Variants in MARCHF10 observed in about 807,000 individuals in gnomAD.
MARCHF10 encodes the protein probable E3 ubiquitin-protein ligase MARCHF10.
A neutral mutation model predicts 76.2 loss-of-function variants in MARCHF10; 64 were observed. The observed-to-expected ratio is 0.84, with a 90% confidence interval of 0.69 to 1.03. The LOEUF (loss-of-function observed/expected upper bound fraction) is 1.03, where lower values mean the gene tolerates loss of function less well. MARCHF10 is among the 50% of genes least tolerant of loss of function. The probability of loss-of-function intolerance (pLI) is 0.00; values close to 1 mark genes in which losing one functional copy is unlikely to be tolerated. For missense variants in MARCHF10, 875 were observed against 958.0 expected (o/e 0.91, Z 1.14); for synonymous variants, 340 against 357.5 (o/e 0.95, Z 0.55).
chr17:62,755,737 T>A (rs1419649605), intron 4 of MARCHF10, among the ~76,000 whole-genome samples: 2 of 152,192 alleles, frequency 1.3e-5, no homozygotes, highest in African/African-American at 4.8e-5. Flanking sequence ...TGATTCTTCA[T>A]CTTTTTCCAT....
At chr17:62,737,606 C>A in intron 5 of MARCHF10, 1 of 442,944 alleles carries the variant, frequency 2.3e-6, no homozygotes. Flanking sequence ...GAAGACTGGC[C>A]CAGCCCCAGC....
At chr17:62,796,210 T>C (rs1187812984) in intron 2 of MARCHF10, among the ~76,000 whole-genome samples, 1 of 152,042 alleles carries the variant, frequency 6.6e-6, no homozygotes, top group African/African-American at 2.4e-5. Flanking sequence ...CAGGCTGATC[T>C]CAAACTCCTG....
rs1465647148 is a variant in MARCHF10 at position 62,736,931 on chromosome 17, G to T, written c.937C>A (p.His313Asn). ...VGVRSPCSPS[H>N]HKRSRFGGTS... ...CCCCCAAATCTACTTCTTTTGTGAT[G>T]GGAAGGAGAACAGGGTGAGCGCACA... The change falls in exon 6 of 11, where the codon CAT becomes AAT. Residue 313 changes from histidine (H) to asparagine (N), a missense_variant. His to Asn is a moderately conservative substitution (Grantham distance 68). Transcript: ENST00000311269. The T allele has an allele frequency of 2.5e-6, 4 of 1,614,084 alleles. No homozygotes were observed. The highest frequency in any genetic ancestry group is 3.4e-6 in the Non-Finnish European group (4 of 1,180,026).
chr17:62,765,036 C>T (rs2092295253), intron 3 of MARCHF10, among the ~76,000 whole-genome samples: 1 of 152,094 alleles, frequency 6.6e-6, no homozygotes. Flanking sequence ...TGCCCTTGGT[C>T]TCCATTTTGC....
intron 3 of MARCHF10, among the ~76,000 whole-genome samples, chr17:62,773,805 G>A (rs564985688): frequency 4.6e-5 from 7 of 152,216 alleles, no homozygotes; most frequent in Non-Finnish European, 8.8e-5. Context: ...GGAAGACAGC[G>A]TTGACCAAAG....
At chr17:62,801,874 G>A in intron 1 of MARCHF10, 122 bp from the exon 2 acceptor site, 1 of 739,822 alleles carries the variant, frequency 1.4e-6, no homozygotes, top group East Asian at 2.6e-5. Context: ...TGTTTGAAAG[G>A]CACAGATGCT....
In MARCHF10 at chr17:62,737,207, C is replaced by T. The variant is rs775517784; in HGVS notation, c.661G>A (p.Gly221Arg). Residue 221 changes from glycine to arginine, a missense_variant, in exon 6 of 11, where the codon GGA (glycine) becomes AGA (arginine). Gly to Arg is a moderately radical substitution (Grantham distance 125, BLOSUM62 -2). Coordinates refer to ENST00000311269, the MANE Select transcript of MARCHF10 (RefSeq NM_152598.4). ...CTCTGGGAAGGAGCACTCGGGTCTCCTTTTTTGGCTCTATCAGGGGCGTTC... is the reference window on the plus strand; with the variant it reads ...CTCTGGGAAGGAGCACTCGGGTCTCTTTTTTTGGCTCTATCAGGGGCGTTC... Reference protein sequence around the residue: ...TENAPDRAKKGDPSAPSQSEL... With the variant: ...TENAPDRAKKRDPSAPSQSEL... 1 of 1,614,030 alleles carries T rather than the reference C, an allele frequency of 6.2e-7. No individual in the cohort carries two copies. The highest frequency in any genetic ancestry group is 1.7e-5 in the Admixed American group (1 of 60,000).
chr17:62,762,232 C>T (rs964373793), intron 3 of MARCHF10, among the ~76,000 whole-genome samples: 9 of 152,180 alleles, frequency 5.9e-5, no homozygotes, highest in African/African-American at 2.2e-4. Flanking sequence ...CTTTAGTGCA[C>T]TGAAGAGGTG....
rs76493049 is a variant in MARCHF10, at chr17:62,732,438, A to G, written c.1937+3493T>C. 4.2e-3 allele frequency among the ~76,000 whole-genome samples: 647 copies of G among 152,360 alleles called. 8 individuals carry two copies. The highest frequency in any genetic ancestry group is 0.015 in the African/African-American group (616 of 41,588). On this transcript the variant is annotated intron_variant, in intron 6 of 10. Transcript: ENST00000311269. ...CCCTGAAACTGGGGCCTGTTGAGGC[A>G]TGTTCCAAAGGAGAGGTGGCTGTGC...
intron 8 of MARCHF10, among the ~76,000 whole-genome samples, chr17:62,719,035 G>C (rs1054953642): frequency 6.6e-6 from 1 of 152,158 alleles, no homozygotes; most frequent in African/African-American, 2.4e-5. Flanking sequence ...CTGCAGAATT[G>C]CCTAGACTCA....
chr17:62,758,651 G>A (rs116408728), intron 4 of MARCHF10, among the ~76,000 whole-genome samples: 195 of 152,322 alleles, frequency 1.3e-3, no homozygotes, highest in African/African-American at 4.5e-3. Context: ...TTTTGACTTC[G>A]TTAAAGCAAT....
chr17:62,776,065 G>A (rs1236394646), intron 3 of MARCHF10, among the ~76,000 whole-genome samples: 1 of 152,114 alleles, frequency 6.6e-6, no homozygotes, highest in African/African-American at 2.4e-5. Context: ...CCCAAAGTGT[G>A]GGATTACAGG....
rs35416243 is a variant in MARCHF10, at chr17:62,728,197, AT to A, written c.1938-3094del. Among the ~76,000 whole-genome samples the A allele has an allele frequency of 6.0e-5, 9 of 150,672 alleles. No individual in the cohort carries two copies. The South Asian group carries it at 1.5e-3, about 25-fold the overall frequency. On this transcript the variant is annotated intron_variant, in intron 6 of 10. Transcript: ENST00000311269. ...ACGCCACCATGCCCAGCTAATTTTA[AT>A]TTTTTTTTTCTTAGAAACAGGGTCT...
chr17:62,732,992 CAAAAAAAAAA>C (rs398041783), intron 6 of MARCHF10, among the ~76,000 whole-genome samples: 2 of 66,550 alleles, frequency 3.0e-5, no homozygotes, highest in Admixed American at 1.8e-4. Context: ...GACTCAGTCT[CAAAAAAAAAA>C]AAAAAAAAAA....
intron 3 of MARCHF10, among the ~76,000 whole-genome samples, chr17:62,768,049 C>T (rs1321623655): frequency 2.6e-5 from 4 of 152,152 alleles, no homozygotes; most frequent in Admixed American, 1.3e-4. Flanking sequence ...ATGTTGAAGA[C>T]GGCAGAACCA....
At chr17:62,731,979 CAGTT>C (rs1204895102) in intron 6 of MARCHF10, among the ~76,000 whole-genome samples, 1 of 152,114 alleles carries the variant, frequency 6.6e-6, no homozygotes, top group Non-Finnish European at 1.5e-5. Flanking sequence ...AACATATAGT[CAGTT>C]GGATTTCTAC....
rs1196412389 is a variant in MARCHF10, at chr17:62,781,718, A to G, written c.210+6762T>C. 2.6e-5 allele frequency among the ~76,000 whole-genome samples: 4 copies of G among 152,288 alleles called. No individual in the cohort carries two copies. In the South Asian group the frequency reaches 8.3e-4, roughly 32 times the overall value. On this transcript the variant is annotated intron_variant, in intron 3 of 10. Transcript: ENST00000311269. ...CCTCAAGGCAGTTGTCTGGAAGGATACCTTGACACTGAAGCCATTATTTGA... is the reference window on the plus strand; with the variant it reads ...CCTCAAGGCAGTTGTCTGGAAGGATGCCTTGACACTGAAGCCATTATTTGA...
chr17:62,803,763 AC>A (rs1465763978), intron 1 of MARCHF10, among the ~76,000 whole-genome samples: 1 of 152,002 alleles, frequency 6.6e-6, no homozygotes, highest in Non-Finnish European at 1.5e-5. Flanking sequence ...TGATCTGCCC[AC>A]CTTGGCCTCC....
chr17:62,756,904 T>C (rs1193562749), intron 4 of MARCHF10, among the ~76,000 whole-genome samples: 1 of 152,226 alleles, frequency 6.6e-6, no homozygotes, highest in Non-Finnish European at 1.5e-5. Flanking sequence ...TCATGGACTA[T>C]ACAAACTTAA....
Sources: allele counts gnomAD v4.1 joint callset (sites outside exome capture counted in the v4.1 genomes callset), GRCh38; gene constraint gnomAD v4.1.1; transcripts MANE v1.5; gene names NCBI Gene and HGNC (gene_info 2026-07-23, HGNC 2026-07-21).